The following WDR18 variants were observed in gnomAD, a reference collection of about 807,000 sequenced individuals.
WDR18 encodes the protein WD repeat domain 18, also known as WD repeat-containing protein 18.
A neutral mutation model predicts 49.6 loss-of-function variants in WDR18; 33 were observed. That is an observed-to-expected ratio of 0.67 (90% CI 0.50 to 0.89). The LOEUF (loss-of-function observed/expected upper bound fraction) is 0.89, where lower values mean the gene tolerates loss of function less well. Ranked by LOEUF, WDR18 falls within the 40% of genes least tolerant of loss-of-function variation. The pLI is 0.00. For synonymous variants in WDR18, 315 were observed against 263.6 expected (o/e 1.19, Z -1.89); for missense variants, 653 against 593.6 (o/e 1.10, Z -1.04).
At chr19:992,758 G>T in intron 8 of WDR18, among the ~76,000 whole-genome samples, 1 of 152,222 alleles carries the variant, frequency 6.6e-6, no homozygotes, top group East Asian at 1.9e-4. Flanking sequence ...GGGGGCTGGG[G>T]GTTCCTTGGG....
At chr19:984,269 G>A (rs1018677580), upstream of WDR18, 8 of 1,333,276 alleles carry the variant, frequency 6.0e-6, no homozygotes, top group Non-Finnish European at 7.8e-6. Flanking sequence ...CGCTGGGGCC[G>A]CGGGGCCGCC....
At chr19:991,886 C>A in intron 7 of WDR18, 69 bp from the exon 8 acceptor site, 1 of 1,319,854 alleles carries the variant, frequency 7.6e-7, no homozygotes, top group African/African-American at 2.4e-5. Flanking sequence ...CTGGATGGGG[C>A]GGAACTTGGC....
Position 993,916 on chromosome 19 carries a change from C to T in WDR18, c.1099-104C>T. 5.4e-6 allele frequency: 7 copies of T among 1,307,514 alleles called. No individual in the cohort carries two copies. In the South Asian group the frequency reaches 6.4e-5, roughly 12 times the overall value. 81.0% of individuals were successfully genotyped at this position (1,307,514 alleles called of 1,614,324 possible). On this transcript the variant is annotated intron_variant, in intron 8 of 9. Coordinates refer to ENST00000585809, the MANE Select transcript of WDR18 (RefSeq NM_024100.4). ...TCTGTCTGTGGGCGTCACGGTGGCC[C>T]CTCCCTGGCTGAGTGGCTGCCCACG...
chr19:991,209 C>T lies in WDR18; in HGVS notation c.807-18C>T. 6.5e-7 allele frequency: 1 copy of T among 1,549,460 alleles called. No homozygotes were observed. Among genetic ancestry groups the T allele is most frequent in the Non-Finnish European group, 8.7e-7 (1 of 1,145,064 alleles). ...TCCTGTCTGGCACGTCCCAGGTGAC[C>T]CCTGTCTGTCTGTCCAGGAACCAGG... On this transcript the variant is annotated intron_variant, in intron 6 of 9. Coordinates refer to ENST00000585809, the MANE Select transcript of WDR18 (RefSeq NM_024100.4).
At position 985,965 on chromosome 19, in the gene WDR18, A is replaced by G. The variant is rs1373188687; in HGVS notation, c.311A>G (p.His104Arg). The change falls in exon 2 of 10, where the codon CAC becomes CGC. Residue 104 changes from histidine to arginine, a missense_variant. Transcript: ENST00000585809. ...YVLAGVAESIHLWEVSTGNLL... is the reference protein window; with the variant it reads ...YVLAGVAESIRLWEVSTGNLL... ...CTGGCAGGAGTTGCAGAAAGCATCCACCTGTGGGAGGTAAGAGGAGCAAAG... is the reference window on the plus strand; with the variant it reads ...CTGGCAGGAGTTGCAGAAAGCATCCGCCTGTGGGAGGTAAGAGGAGCAAAG... The G allele has an allele frequency of 1.9e-6, 3 of 1,613,454 alleles. No homozygotes were observed. Among genetic ancestry groups the G allele is most frequent in the Non-Finnish European group, 2.5e-6 (3 of 1,179,910 alleles).
At chr19:984,222 C>T (rs1257180904), upstream of WDR18, 95 of 963,284 alleles carry the variant, frequency 9.9e-5, no homozygotes, top group Non-Finnish European at 2.9e-6. Flanking sequence ...GAAAGCCCCT[C>T]TCTCCGAGGC....
At chr19:993,369 G>T (rs2038585123) in intron 8 of WDR18, among the ~76,000 whole-genome samples, 1 of 152,208 alleles carries the variant, frequency 6.6e-6, no homozygotes, top group Non-Finnish European at 1.5e-5. Context: ...AGGGGGCCAG[G>T]CCATGCCCTC....
At chr19:986,997 G>A (rs541860673) in intron 2 of WDR18, among the ~76,000 whole-genome samples, 5 of 152,294 alleles carry the variant, frequency 3.3e-5, no homozygotes, top group Non-Finnish European at 7.3e-5. Context: ...TCAGTGGGCT[G>A]CTCAGAGAAC....
chr19:991,926 G>C, intron 7 of WDR18, 29 bp from the exon 8 acceptor site: 1 of 1,519,970 alleles, frequency 6.6e-7, no homozygotes, highest in Non-Finnish European at 8.8e-7. Context: ...GGCTGGGATG[G>C]GGCGGGGCCT....
intron 2 of WDR18, among the ~76,000 whole-genome samples, chr19:987,899 A>G (rs374550247): frequency 8.5e-4 from 120 of 141,062 alleles, no homozygotes; most frequent in African/African-American, 2.9e-3. Context: ...CAGTGGCTCA[A>G]TCTCAGATCA....
rs544085325 is a variant in WDR18 at position 993,990 on chromosome 19, C to T, written c.1099-30C>T. The T allele has an allele frequency of 9.0e-6, 14 of 1,548,348 alleles. 1 individual carries two copies. In the South Asian group the frequency reaches 1.7e-4, roughly 18 times the overall value. On this transcript the variant is annotated intron_variant, in intron 8 of 9. Coordinates refer to ENST00000585809, the MANE Select transcript of WDR18 (RefSeq NM_024100.4). ...GCGTGTGGTGTGTGACAGGACGCGC[C>T]CCGAGGTCACGTGGCTCCCTGTGTT... is the stretch of plus-strand genomic sequence containing the variant.
In WDR18 at chr19:991,061, A is replaced by G; in HGVS notation, c.742-20A>G. Reference sequence around the variant, plus strand: ...TGAGGGCATCGGGCCTGCGGCTCACACACGTCTCGGCCTTCGCAGCCCGGA... The same window carrying G: ...TGAGGGCATCGGGCCTGCGGCTCACGCACGTCTCGGCCTTCGCAGCCCGGA... On this transcript the variant is annotated intron_variant, in intron 5 of 9. Coordinates refer to ENST00000585809, the MANE Select transcript of WDR18 (RefSeq NM_024100.4). 1 of 1,602,818 alleles carries G rather than the reference A, an allele frequency of 6.2e-7. No individual in the cohort carries two copies. Among genetic ancestry groups the G allele is most frequent in the African/African-American group, 1.3e-5 (1 of 74,912 alleles).
rs1220889937 is a variant in WDR18, at chr19:991,338, G to A, written c.918G>A (p.Thr306=). Residue 306 remains threonine (T), a synonymous_variant, in exon 7 of 10, where the codon ACG becomes ACA. Coordinates refer to ENST00000585809, the MANE Select transcript of WDR18 (RefSeq NM_024100.4). Reference sequence around the variant, plus strand: ...TGCAGAGCAAGCAGTGCATCCGGACGGTGGCCCTCAAAGGTGGGCGCGCCT... The same window carrying A: ...TGCAGAGCAAGCAGTGCATCCGGACAGTGGCCCTCAAAGGTGGGCGCGCCT... The part of the protein sequence containing the change: ...WDVQSKQCIR[T]VALKGPVTNA... 2 of 1,554,980 alleles carry A rather than the reference G, an allele frequency of 1.3e-6. No individual in the cohort carries two copies. The highest frequency in any genetic ancestry group is 8.7e-7 in the Non-Finnish European group (1 of 1,149,686).
Position 991,301 on chromosome 19 carries a change from G to C in WDR18, c.881G>C (p.Arg294Pro). ...TCAGGCTCCCACGACGAGACCGTGCGCCTCTGGGACGTGCAGAGCAAGCAG... is the reference window on the plus strand; with the variant it reads ...TCAGGCTCCCACGACGAGACCGTGCCCCTCTGGGACGTGCAGAGCAAGCAG... ...LLSGSHDETVRLWDVQSKQCI... is the reference protein window; with the variant it reads ...LLSGSHDETVPLWDVQSKQCI... Residue 294 changes from arginine to proline, a missense_variant, in exon 7 of 10, where the codon CGC becomes CCC. Arg to Pro is a moderately radical substitution (Grantham distance 103). Coordinates refer to ENST00000585809, the MANE Select transcript of WDR18 (RefSeq NM_024100.4). 1 of 1,561,892 alleles carries C rather than the reference G, an allele frequency of 6.4e-7. No homozygotes were observed. Among genetic ancestry groups the C allele is most frequent in the Non-Finnish European group, 8.7e-7 (1 of 1,152,956 alleles).
intron 1 of WDR18, 119 bp from the exon 2 acceptor site, chr19:985,746 C>T (rs2038467830): frequency 1.1e-6 from 1 of 874,188 alleles, no homozygotes; most frequent in African/African-American, 1.7e-5. Context: ...CTGCTCCCGA[C>T]TCCTCTTCCT....
upstream of WDR18, among the ~76,000 whole-genome samples, chr19:982,960 C>G (rs988817011): frequency 2.0e-5 from 3 of 152,162 alleles, no homozygotes; most frequent in South Asian, 6.2e-4. Context: ...CGCCGGGAGC[C>G]GCGGACCAGG....
At chr19:989,027 C>A (rs2038506847) in intron 2 of WDR18, among the ~76,000 whole-genome samples, 1 of 127,710 alleles carries the variant, frequency 7.8e-6, no homozygotes, top group Non-Finnish European at 1.7e-5. Context: ...CAACCCCCCA[C>A]AGAGCATCTC....
chr19:990,032 G>A, intron 3 of WDR18, 137 bp downstream of exon 3: 2 of 1,427,722 alleles, frequency 1.4e-6, no homozygotes, highest in East Asian at 2.4e-5. Flanking sequence ...ATCATCCCAG[G>A]GGTCCTGGCT....
Position 994,453 on chromosome 19 carries a change from C to T in WDR18, c.*109C>T. 4.9e-6 allele frequency: 7 copies of T among 1,440,998 alleles called. No homozygotes were observed. Among genetic ancestry groups the T allele is most frequent in the Non-Finnish European group, 6.5e-6 (7 of 1,085,186 alleles). The allele number at this position is 1,440,998 out of a possible 1,614,324, so 89.3% of individuals were successfully genotyped here. A position where few individuals can be genotyped will look rare whatever the true frequency, so the allele number is the denominator to read the frequency against. ...GCCCAGGCCTGGACTCTCCTCAGTT[C>T]TGTGTCGTGTTCGGGTTTTTCCTCT... On this transcript the variant is annotated 3_prime_UTR_variant, in exon 10 of 10. Coordinates refer to ENST00000585809, the MANE Select transcript of WDR18 (RefSeq NM_024100.4).
Sources: allele counts gnomAD v4.1 joint callset (sites outside exome capture counted in the v4.1 genomes callset), GRCh38; gene constraint gnomAD v4.1.1; transcripts MANE v1.5; gene names NCBI Gene and HGNC (gene_info 2026-07-23, HGNC 2026-07-21).